Variants in NECAB1 observed in about 807,000 individuals in gnomAD.
The protein encoded by NECAB1 is N-terminal EF-hand calcium-binding protein 1.
In NECAB1, 29 loss-of-function variants were observed where a neutral mutation model predicts 57.5. The ratio of observed to expected loss-of-function variants is 0.50; its 90% CI spans 0.38 to 0.69. The LOEUF (loss-of-function observed/expected upper bound fraction) is 0.69, where lower values mean the gene tolerates loss of function less well. NECAB1 is among the 30% of genes least tolerant of loss of function. The pLI, the probability that NECAB1 is intolerant of heterozygous loss-of-function variation, is 0.00. For missense variants in NECAB1, 372 were observed against 413.8 expected, an observed-to-expected ratio of 0.90 and a Z score of 0.88; for synonymous variants, 142 against 147.7, an observed-to-expected ratio of 0.96 and a Z score of 0.28.
Position 90,939,661 on chromosome 8 carries a change from T to C in NECAB1, c.748-1125T>C, listed in dbSNP as rs116572309. 4.4e-3 allele frequency among the ~76,000 whole-genome samples: 674 copies of C among 152,324 alleles called. 4 individuals are homozygous for C. The highest frequency in any genetic ancestry group is 0.015 in the African/African-American group (619 of 41,560). ...CCTGCAGATTTTTGTGAAAAGGATA[T>C]ATCCATCATTATTTTGGTAGAAATT... is the stretch of plus-strand genomic sequence containing the variant. On this transcript the variant is annotated intron_variant, in intron 9 of 12. Coordinates refer to ENST00000417640, the MANE Select transcript of NECAB1 (RefSeq NM_022351.5).
Position 90,928,097 on chromosome 8 carries a change from A to T in NECAB1, c.617-126A>T, listed in dbSNP as rs538712295. On this transcript the variant is annotated intron_variant, in intron 7 of 12. Transcript: ENST00000417640. ...TAGAAAGCACTCGTGAATACATTTTAAAAAAATGACCAGTCAGTGACACTG... is the reference window on the plus strand; with the variant it reads ...TAGAAAGCACTCGTGAATACATTTTTAAAAAATGACCAGTCAGTGACACTG... The T allele has an allele frequency of 9.1e-4, 643 of 705,250 alleles. 3 individuals are homozygous for T. Among genetic ancestry groups the T allele is most frequent in the South Asian group, 4.9e-3 (272 of 55,740 alleles). 43.7% of individuals were successfully genotyped at this position (705,250 alleles called of 1,614,324 possible).
At chr8:90,886,663 G>T (rs1017227349) in intron 5 of NECAB1, among the ~76,000 whole-genome samples, 2 of 152,036 alleles carry the variant, frequency 1.3e-5, no homozygotes, top group African/African-American at 4.8e-5. Flanking sequence ...GGGATTACAG[G>T]CGAGAGCCAC....
chr8:90,946,051 A>G (rs1011262161), intron 10 of NECAB1, among the ~76,000 whole-genome samples: 18 of 152,224 alleles, frequency 1.2e-4, no homozygotes, highest in Non-Finnish European at 2.2e-4. Context: ...ATCTTTCTAA[A>G]AATTATTTCA....
At chr8:90,881,690 C>T (rs1436463403) in intron 5 of NECAB1, among the ~76,000 whole-genome samples, 1 of 152,208 alleles carries the variant, frequency 6.6e-6, no homozygotes, top group Non-Finnish European at 1.5e-5. Flanking sequence ...CACTATGCTT[C>T]CTGTACAGCC....
intron 3 of NECAB1, among the ~76,000 whole-genome samples, chr8:90,845,347 T>G (rs1025074307): frequency 3.9e-5 from 6 of 152,182 alleles, no homozygotes; most frequent in Admixed American, 2.0e-4. Context: ...AAGGAAATAA[T>G]AGCAGGTGCT....
chr8:90,817,466 G>GCT (rs555266450), intron 2 of NECAB1, among the ~76,000 whole-genome samples: 2 of 150,814 alleles, frequency 1.3e-5, no homozygotes, highest in African/African-American at 2.4e-5. Flanking sequence ...TTTTTTTGTA[G>GCT]TTTTTTTTAT....
Position 90,808,391 on chromosome 8 carries a change from G to A in NECAB1, c.124+6676G>A, listed in dbSNP as rs183110196. 3.3e-5 allele frequency among the ~76,000 whole-genome samples: 5 copies of A among 152,212 alleles called. No homozygotes were observed. In the East Asian group the frequency reaches 9.7e-4, roughly 29 times the overall value. ...AGATCCCAGAGATATGTAGCATAAG[G>A]GTTAAGCTTATGTATGATTTTGCAG... On this transcript the variant is annotated intron_variant, in intron 2 of 12. Transcript: ENST00000417640.
At chr8:90,797,552 A>T (rs151098013) in intron 1 of NECAB1, among the ~76,000 whole-genome samples, 1 of 152,320 alleles carries the variant, frequency 6.6e-6, no homozygotes, top group East Asian at 1.9e-4. Flanking sequence ...TTATTTAACT[A>T]TAACTACAAG....
chr8:90,947,825 G>A (rs1289049459), intron 10 of NECAB1, among the ~76,000 whole-genome samples: 1 of 152,176 alleles, frequency 6.6e-6, no homozygotes. Flanking sequence ...GGTCTGCTGG[G>A]CTATACTTTA....
chr8:90,801,992 T>C (rs1483443657), intron 2 of NECAB1, among the ~76,000 whole-genome samples: 1 of 152,228 alleles, frequency 6.6e-6, no homozygotes, highest in African/African-American at 2.4e-5. Flanking sequence ...AAAAATAATT[T>C]TGCAGCAATA....
intron 4 of NECAB1, among the ~76,000 whole-genome samples, chr8:90,876,030 A>G (rs993138062): frequency 9.9e-5 from 15 of 151,980 alleles, no homozygotes; most frequent in African/African-American, 3.6e-4. Flanking sequence ...AATAATAAAT[A>G]AAGTAAAGTA....
chr8:90,822,540 G>T (rs903731929), intron 2 of NECAB1, among the ~76,000 whole-genome samples: 3 of 151,648 alleles, frequency 2.0e-5, no homozygotes, highest in African/African-American at 7.3e-5. Flanking sequence ...CTAATAAGAG[G>T]ATTTTTTTCT....
chr8:90,795,374 C>T (rs1051585512), intron 1 of NECAB1, among the ~76,000 whole-genome samples: 12 of 152,138 alleles, frequency 7.9e-5, no homozygotes, highest in African/African-American at 2.9e-4. Flanking sequence ...AGTGACTGTT[C>T]CCCACTTCAC....
At chr8:90,826,976 A>G (rs1378845636) in intron 3 of NECAB1, among the ~76,000 whole-genome samples, 18 of 151,894 alleles carry the variant, frequency 1.2e-4, no homozygotes, top group Admixed American at 1.2e-3. Flanking sequence ...GCTAAAGTGT[A>G]TATTAGGTAG....
chr8:90,807,806 A>C (rs1340805822), intron 2 of NECAB1, among the ~76,000 whole-genome samples: 1 of 151,538 alleles, frequency 6.6e-6, no homozygotes, highest in Non-Finnish European at 1.5e-5. Context: ...ACATGCAGAC[A>C]CCTCAACTAC....
At chr8:90,816,774 T>C (rs187207440) in intron 2 of NECAB1, among the ~76,000 whole-genome samples, 1 of 151,876 alleles carries the variant, frequency 6.6e-6, no homozygotes, top group East Asian at 1.9e-4. Flanking sequence ...GTCCTCAAAC[T>C]TTATTCTTCC....
At chr8:90,948,818 C>T (rs1810864283) in intron 10 of NECAB1, among the ~76,000 whole-genome samples, 1 of 152,122 alleles carries the variant, frequency 6.6e-6, no homozygotes, top group Non-Finnish European at 1.5e-5. Flanking sequence ...ACCCTCCATA[C>T]AAAACCCACT....
In NECAB1 at chr8:90,824,751, A is replaced by C. The variant is rs955970266; in HGVS notation, c.159A>C (p.Ala53=). Residue 53 remains alanine, a synonymous_variant, in exon 3 of 13, where the codon GCA becomes GCC. Transcript: ENST00000417640. ...DGKLSFEEFK[A]YFADGVLSGE... is the part of the protein sequence containing the mutation. ...AATTATCCTTTGAAGAATTCAAAGC[A>C]TATTTTGCAGATGGTGTTCTCAGTG... 38 of 1,551,754 alleles carry C rather than the reference A, an allele frequency of 2.4e-5. No homozygotes were observed. The highest frequency in any genetic ancestry group is 3.3e-5 in the Non-Finnish European group (38 of 1,145,944).
At chr8:90,906,874 C>CATATATATATATATATAT (rs1290352726) in intron 5 of NECAB1, among the ~76,000 whole-genome samples, 10 of 42,642 alleles carry the variant, frequency 2.3e-4, no homozygotes, top group African/African-American at 1.9e-3. Flanking sequence ...ATATGATATA[C>CATATATATATATATATAT]ACATATATAT....
Sources: gnomAD v4.1 joint callset for allele counts (sites outside exome capture counted in the v4.1 genomes callset) on GRCh38, gnomAD v4.1.1 for gene constraint, MANE v1.5 for transcripts, NCBI Gene and HGNC (gene_info 2026-07-23, HGNC 2026-07-21) for gene names.